DENND1A: variants seen among roughly 807,000 people sequenced by gnomAD.
DENND1A encodes the protein DENN domain-containing protein 1A.
A neutral mutation model predicts 113.7 loss-of-function variants in DENND1A; 51 were observed. The ratio of observed to expected loss-of-function variants is 0.45; its 90% confidence interval spans 0.36 to 0.57. DENND1A has a LOEUF of 0.57. Among genes scored for constraint, DENND1A ranks in the 20% least tolerant of loss-of-function variants. The pLI is 0.00. For missense variants in DENND1A, 1,258 were observed against 1,395.9 expected (o/e 0.90, Z 1.57); for synonymous variants, 565 against 570.8 (o/e 0.99, Z 0.14).
chr9:123,483,474 C>G (rs757073168), intron 13 of DENND1A, among the ~76,000 whole-genome samples: 17 of 152,252 alleles, frequency 1.1e-4, no homozygotes, highest in Non-Finnish European at 2.1e-4. Context: ...AGGCCAGCCT[C>G]TGTGTGCAGA....
chr9:123,809,730 G>T (rs1468634489), intron 2 of DENND1A, among the ~76,000 whole-genome samples: 1 of 152,162 alleles, frequency 6.6e-6, no homozygotes, highest in Non-Finnish European at 1.5e-5. Flanking sequence ...TAGTGCAGTG[G>T]CATGATCTCG....
At chr9:123,745,536 T>C (rs1248980811) in intron 5 of DENND1A, among the ~76,000 whole-genome samples, 3 of 152,364 alleles carry the variant, frequency 2.0e-5, no homozygotes, top group Non-Finnish European at 4.4e-5. Flanking sequence ...CTCAATAAAG[T>C]TGATTGAGCT....
chr9:123,415,057 A>G (rs960865021), intron 19 of DENND1A, among the ~76,000 whole-genome samples: 1 of 152,248 alleles, frequency 6.6e-6, no homozygotes, highest in African/African-American at 2.4e-5. Flanking sequence ...GAATTGATAA[A>G]TGGTGGGAAG....
At chr9:123,775,875 G>A (rs934392229) in intron 3 of DENND1A, among the ~76,000 whole-genome samples, 5 of 152,224 alleles carry the variant, frequency 3.3e-5, no homozygotes, top group Non-Finnish European at 5.9e-5. Context: ...TGCTGAATTC[G>A]CTGCTCTCCA....
intron 9 of DENND1A, among the ~76,000 whole-genome samples, chr9:123,637,949 A>G (rs749425945): frequency 2.6e-4 from 5 of 19,140 alleles, no homozygotes; most frequent in Admixed American, 1.8e-3. Context: ...ACACACACAC[A>G]CGCGCACACA....
intron 21 of DENND1A, among the ~76,000 whole-genome samples, chr9:123,390,327 TC>T (rs2042774367): frequency 6.6e-6 from 1 of 152,208 alleles, no homozygotes; most frequent in Admixed American, 6.5e-5. Context: ...CTGTCCCCTT[TC>T]CCCAGACTGT....
At chr9:123,454,056 C>T (rs544766059) in intron 16 of DENND1A, among the ~76,000 whole-genome samples, 4 of 152,326 alleles carry the variant, frequency 2.6e-5, no homozygotes, top group South Asian at 2.1e-4. Context: ...AGTGCACTGA[C>T]GCATTAGCAG....
chr9:123,917,614 G>A (rs1440737576), intron 1 of DENND1A, among the ~76,000 whole-genome samples: 2 of 151,980 alleles, frequency 1.3e-5, no homozygotes, highest in Non-Finnish European at 2.9e-5. Context: ...CTGACCCCTG[G>A]AGAATCCTAG....
intron 13 of DENND1A, among the ~76,000 whole-genome samples, chr9:123,467,021 A>G (rs576050261): frequency 6.6e-6 from 1 of 152,194 alleles, no homozygotes; most frequent in Non-Finnish European, 1.5e-5. Flanking sequence ...ACTGCACTTC[A>G]GCCTGGGTGA....
chr9:123,691,664 T>C (rs1274791084), intron 5 of DENND1A, among the ~76,000 whole-genome samples: 1 of 151,802 alleles, frequency 6.6e-6, no homozygotes, highest in East Asian at 1.9e-4. Flanking sequence ...CCATGGAGTT[T>C]AACTCTTTTC....
chr9:123,725,824 A>ATT (rs2067667153), intron 5 of DENND1A, among the ~76,000 whole-genome samples: 3 of 152,256 alleles, frequency 2.0e-5, no homozygotes, highest in African/African-American at 7.2e-5. Context: ...TCTGTCACAA[A>ATT]TTATGCCATG....
intron 13 of DENND1A, among the ~76,000 whole-genome samples, chr9:123,519,794 G>A (rs1176831174): frequency 6.6e-6 from 1 of 152,088 alleles, no homozygotes; most frequent in African/African-American, 2.4e-5. Flanking sequence ...CATGGCATGT[G>A]ACTCAATTCT....
At chr9:123,698,942 G>A (rs567129023) in intron 5 of DENND1A, among the ~76,000 whole-genome samples, 10 of 152,230 alleles carry the variant, frequency 6.6e-5, no homozygotes, top group East Asian at 1.9e-4. Context: ...CAGAATTTAC[G>A]GTGGCAAAAA....
chr9:123,513,832 G>C (rs1438284657), intron 13 of DENND1A, among the ~76,000 whole-genome samples: 3 of 152,166 alleles, frequency 2.0e-5, no homozygotes, highest in Admixed American at 2.0e-4. Context: ...TTTTGATCAT[G>C]TCCTGCACTG....
intron 21 of DENND1A, among the ~76,000 whole-genome samples, chr9:123,390,692 C>T (rs1002364260): frequency 6.6e-6 from 1 of 152,192 alleles, no homozygotes; most frequent in Admixed American, 6.5e-5. Flanking sequence ...GAGGTGACCA[C>T]GTGGCCAAGA....
chr9:123,687,230 C>T (rs1269202806), intron 5 of DENND1A, among the ~76,000 whole-genome samples: 2 of 152,082 alleles, frequency 1.3e-5, no homozygotes, highest in South Asian at 2.1e-4. Flanking sequence ...AAATGAACCT[C>T]GCACCTACCC....
chr9:123,531,803 G>A (rs189997992), intron 13 of DENND1A, among the ~76,000 whole-genome samples: 39 of 152,198 alleles, frequency 2.6e-4, no homozygotes, highest in Admixed American at 1.2e-3. Flanking sequence ...ATAGCAAATG[G>A]TTAAGAAATA....
chr9:123,675,305 A>T (rs2064007761), intron 6 of DENND1A, among the ~76,000 whole-genome samples: 1 of 152,200 alleles, frequency 6.6e-6, no homozygotes, highest in Admixed American at 6.5e-5. Context: ...GAATGCTAAG[A>T]TTTATCACAG....
chr9:123,386,197 G>C (rs2042550508), intron 22 of DENND1A, among the ~76,000 whole-genome samples: 1 of 151,896 alleles, frequency 6.6e-6, no homozygotes, highest in Admixed American at 6.6e-5. Context: ...TTCTCTTTTT[G>C]TTCTAATTAG....
Sources: gnomAD v4.1 joint callset for allele counts (sites outside exome capture counted in the v4.1 genomes callset) on GRCh38, gnomAD v4.1.1 for gene constraint, MANE v1.5 for transcripts, NCBI Gene and HGNC (gene_info 2026-07-23, HGNC 2026-07-21) for gene names.